Variants in SRGAP2 observed in about 807,000 individuals in gnomAD.
SRGAP2 encodes the protein SLIT-ROBO Rho GTPase activating protein 2.
A neutral mutation model predicts 57.2 loss-of-function variants in SRGAP2; 15 were observed. The ratio of observed to expected loss-of-function variants is 0.26; its 90% CI spans 0.18 to 0.40. The LOEUF (loss-of-function observed/expected upper bound fraction) is 0.40, where lower values mean the gene tolerates loss of function less well. Among genes scored for constraint, SRGAP2 ranks in the 10% least tolerant of loss-of-function variants. The pLI, the probability that SRGAP2 is intolerant of heterozygous loss-of-function variation, is 1.00. For missense variants in SRGAP2, 520 were observed against 669.6 expected (o/e 0.78, Z 2.47); for synonymous variants, 249 against 248.0 (o/e 1.00, Z -0.04).
intron 17 of SRGAP2, among the ~76,000 whole-genome samples, chr1:206,445,405 C>T (rs1662668644): frequency 6.6e-6 from 1 of 152,144 alleles, no homozygotes; most frequent in South Asian, 2.1e-4. Context: ...CGAGCAGAAG[C>T]CAAATGGCAT....
chr1:206,446,753 C>A (rs1553373991), intron 18 of SRGAP2, among the ~76,000 whole-genome samples: 1 of 152,174 alleles, frequency 6.6e-6, no homozygotes, highest in African/African-American at 2.4e-5. Flanking sequence ...AGTTTGTAAG[C>A]TGGCACTTCA....
chr1:206,453,887 A>G lies in SRGAP2; in HGVS notation c.2360+507A>G, dbSNP rs142609606. 1.4e-3 allele frequency: 622 copies of G among 453,946 alleles called. 9 individuals carry two copies. The Admixed American group carries it at 0.018, about 13-fold the overall frequency. 28.1% of individuals were successfully genotyped at this position (453,946 alleles called of 1,614,324 possible). ...TTATGGAAGTGACCTAGTTCATTTA[A>G]CCGAGATGAGGTTGATATAGGGTAA... On this transcript the variant is annotated intron_variant, in intron 20 of 22. Transcript: ENST00000573034.
intron 17 of SRGAP2, among the ~76,000 whole-genome samples, chr1:206,440,928 G>A (rs1662240864): frequency 6.6e-6 from 1 of 152,200 alleles, no homozygotes; most frequent in Non-Finnish European, 1.5e-5. Flanking sequence ...GTCATGAAGA[G>A]AAACAGGGAG....
At chr1:206,458,033 A>G (rs1209350655) in intron 21 of SRGAP2, among the ~76,000 whole-genome samples, 1 of 152,216 alleles carries the variant, frequency 6.6e-6, no homozygotes, top group African/African-American at 2.4e-5. Context: ...GGAGTCATGT[A>G]GAGGTATTTC....
chr1:206,303,556 C>A (rs1177835627), intron 3 of SRGAP2, 83 bp downstream of exon 3: 5 of 716,652 alleles, frequency 7.0e-6, no homozygotes, highest in Non-Finnish European at 1.1e-5. Flanking sequence ...CCACTTAGAT[C>A]CAGCTGAATT....
chr1:206,366,351 G>T (rs1393848050), intron 4 of SRGAP2, among the ~76,000 whole-genome samples: 6 of 152,240 alleles, frequency 3.9e-5, no homozygotes, highest in Admixed American at 3.9e-4. Context: ...TTAAATTAGT[G>T]TCAAGGGGGG....
Position 206,461,551 on chromosome 1 carries a change from C to T in SRGAP2, c.*131C>T, listed in dbSNP as rs1354810478. The T allele has an allele frequency of 1.5e-6, 1 of 648,136 alleles. No homozygotes were observed. The highest frequency in any genetic ancestry group is 2.8e-6 in the Non-Finnish European group (1 of 356,238). 40.1% of individuals were successfully genotyped at this position (648,136 alleles called of 1,614,324 possible). A position where few individuals can be genotyped will look rare whatever the true frequency, so the allele number is the denominator to read the frequency against. Reference sequence around the variant, plus strand: ...AAGTTGTTCTTGCAGGAATTAGCCTCCCCGTCTCCCAAAACCTTGAGAATG... The same window carrying T: ...AAGTTGTTCTTGCAGGAATTAGCCTTCCCGTCTCCCAAAACCTTGAGAATG... On this transcript the variant is annotated 3_prime_UTR_variant, in exon 23 of 23. Coordinates refer to ENST00000573034, the MANE Select transcript of SRGAP2 (RefSeq NM_015326.5).
At chr1:206,357,676 C>T (rs1340822770) in intron 4 of SRGAP2, among the ~76,000 whole-genome samples, 20 of 150,134 alleles carry the variant, frequency 1.3e-4, no homozygotes, top group Non-Finnish European at 2.7e-4. Flanking sequence ...CTCCGCCTCC[C>T]GGGTTCAAGT....
chr1:206,312,648 G>A (rs1339827304), intron 3 of SRGAP2, among the ~76,000 whole-genome samples: 4 of 152,068 alleles, frequency 2.6e-5, no homozygotes, highest in South Asian at 2.1e-4. Context: ...GAACTGTAGC[G>A]ATTATTTGAC....
intron 13 of SRGAP2, among the ~76,000 whole-genome samples, chr1:206,424,951 G>T (rs80004217): frequency 6.6e-6 from 1 of 152,226 alleles, no homozygotes; most frequent in South Asian, 2.1e-4. Flanking sequence ...CCTGCCACAG[G>T]TTATCCATTG....
At chr1:206,413,206 C>T (rs890051732) in intron 10 of SRGAP2, among the ~76,000 whole-genome samples, 10 of 152,196 alleles carry the variant, frequency 6.6e-5, no homozygotes, top group Non-Finnish European at 1.3e-4. Flanking sequence ...TTGAAGGTTA[C>T]AGCTTCTTGG....
chr1:206,388,772 T>C (rs1656575684), intron 5 of SRGAP2, among the ~76,000 whole-genome samples: 2 of 148,484 alleles, frequency 1.3e-5, no homozygotes, highest in African/African-American at 5.0e-5. Flanking sequence ...TGCCTGGTCA[T>C]TCTTAGCTGC....
intron 3 of SRGAP2, among the ~76,000 whole-genome samples, chr1:206,309,432 G>A (rs562087956): frequency 1.1e-4 from 16 of 150,236 alleles, no homozygotes; most frequent in Middle Eastern, 6.9e-3. Flanking sequence ...CCAGGATGAA[G>A]GTTTTGGGGT....
intron 21 of SRGAP2, among the ~76,000 whole-genome samples, chr1:206,457,325 G>T (rs1478926790): frequency 1.3e-5 from 2 of 152,174 alleles, no homozygotes; most frequent in African/African-American, 4.8e-5. Context: ...AAAAGACGAG[G>T]TCCCTGATCT....
chr1:206,384,551 C>CCCCA (rs1292839947), intron 5 of SRGAP2, among the ~76,000 whole-genome samples: 2 of 152,144 alleles, frequency 1.3e-5, no homozygotes, highest in African/African-American at 4.8e-5. Flanking sequence ...TCCTAAATGT[C>CCCCA]CCCAGTAAGA....
chr1:206,347,271 C>A (rs1231513816), intron 4 of SRGAP2, among the ~76,000 whole-genome samples: 2,935 of 151,056 alleles, frequency 0.019, 37 homozygotes, highest in South Asian at 0.031. Flanking sequence ...AAAAAAACAA[C>A]AAAAAAACAA....
At chr1:206,358,988 A>G (rs1465937360) in intron 4 of SRGAP2, among the ~76,000 whole-genome samples, 1 of 152,184 alleles carries the variant, frequency 6.6e-6, no homozygotes, top group African/African-American at 2.4e-5. Flanking sequence ...CTTGGAAAAA[A>G]AACAGATTCA....
intron 15 of SRGAP2, 106 bp from the exon 16 acceptor site, chr1:206,437,858 T>C: frequency 1.4e-6 from 1 of 723,280 alleles, no homozygotes; most frequent in Non-Finnish European, 2.6e-6. Context: ...AGAAAGCTGA[T>C]GGATTGGGAC....
intron 4 of SRGAP2, among the ~76,000 whole-genome samples, chr1:206,356,636 G>A (rs1225116281): frequency 4.6e-5 from 7 of 152,114 alleles, no homozygotes; most frequent in Admixed American, 2.0e-4. Context: ...TGCAGGACAG[G>A]CTTCTGTTGA....
Sources: allele counts gnomAD v4.1 joint callset (sites outside exome capture counted in the v4.1 genomes callset), GRCh38; gene constraint gnomAD v4.1.1; transcripts MANE v1.5; gene names NCBI Gene and HGNC (gene_info 2026-07-23, HGNC 2026-07-21).